MACROD1: variants seen among roughly 807,000 people sequenced by gnomAD.
MACROD1 encodes ADP-ribose glycohydrolase MACROD1.
MACROD1 carries 31 observed loss-of-function variants against 41.4 expected under a neutral mutation model. That is an observed-to-expected ratio of 0.75 (90% CI 0.56 to 1.01). The LOEUF is 1.01. Ranked by LOEUF, MACROD1 falls within the 50% of genes least tolerant of loss-of-function variation. The pLI, the probability that MACROD1 is intolerant of heterozygous loss-of-function variation, is 0.00. For synonymous variants in MACROD1, 252 were observed against 203.4 expected (o/e 1.24, Z -2.03); for missense variants, 473 against 460.0 (o/e 1.03, Z -0.26).
At position 64,165,604 on chromosome 11, in the gene MACROD1, T is replaced by A. The variant is rs1471121576; in HGVS notation, c.298+93A>T. ...CCTCAACTTCCCCAGGTCTCTCGGG[T>A]GGAAGGGGCTGCTCGCTCGTTGGGG... On this transcript the variant is annotated intron_variant, in intron 1 of 10. Coordinates refer to ENST00000255681, the MANE Select transcript of MACROD1 (RefSeq NM_014067.4). 2.3e-5 allele frequency: 27 copies of A among 1,161,708 alleles called. No individual in the cohort carries two copies. The East Asian group carries it at 8.3e-4, about 36-fold the overall frequency. 72.0% of individuals were successfully genotyped at this position (1,161,708 alleles called of 1,614,324 possible).
chr11:64,136,231 C>T (rs1354583525), intron 3 of MACROD1, among the ~76,000 whole-genome samples: 1 of 152,252 alleles, frequency 6.6e-6, no homozygotes, highest in Non-Finnish European at 1.5e-5. Flanking sequence ...CTAGAGTGGT[C>T]ACCATGTGCC....
chr11:64,093,792 T>TG (rs1944530943), intron 3 of MACROD1, among the ~76,000 whole-genome samples: 1 of 152,218 alleles, frequency 6.6e-6, no homozygotes, highest in Non-Finnish European at 1.5e-5. Context: ...TAGTCTGGCC[T>TG]GGCCAGGGTG....
chr11:64,033,492 T>A (rs1001310994), intron 3 of MACROD1, among the ~76,000 whole-genome samples: 2 of 152,150 alleles, frequency 1.3e-5, no homozygotes, highest in Non-Finnish European at 2.9e-5. Context: ...GCTCAAGTGA[T>A]CCTCTCGCCT....
intron 3 of MACROD1, among the ~76,000 whole-genome samples, chr11:64,105,306 C>G (rs1277080075): frequency 6.6e-6 from 1 of 152,192 alleles, no homozygotes; most frequent in African/African-American, 2.4e-5. Context: ...AGGCTGAAGC[C>G]AAGCTAGAGG....
chr11:64,160,655 T>A (rs1945739601), intron 1 of MACROD1, among the ~76,000 whole-genome samples: 1 of 151,662 alleles, frequency 6.6e-6, no homozygotes, highest in Admixed American at 6.6e-5. Context: ...CTGCAAGACA[T>A]TTTTAAAAAC....
chr11:64,028,420 C>G (rs192703500), intron 3 of MACROD1, among the ~76,000 whole-genome samples: 67 of 152,336 alleles, frequency 4.4e-4, no homozygotes, highest in African/African-American at 1.6e-3. Flanking sequence ...GGGCTCCACG[C>G]TGCAGAGGGA....
intron 3 of MACROD1, among the ~76,000 whole-genome samples, chr11:64,141,629 AAC>A (rs1945415344): frequency 6.6e-6 from 1 of 152,166 alleles, no homozygotes; most frequent in Non-Finnish European, 1.5e-5. Context: ...TTAATTTCAA[AAC>A]ACACACATTC....
intron 3 of MACROD1, among the ~76,000 whole-genome samples, chr11:64,098,010 T>C (rs1944608048): frequency 6.6e-6 from 1 of 152,092 alleles, no homozygotes; most frequent in Admixed American, 6.5e-5. Context: ...AGTTGGCCCC[T>C]TCCCTTCAAC....
intron 3 of MACROD1, among the ~76,000 whole-genome samples, chr11:64,047,029 C>T (rs1440890164): frequency 1.3e-5 from 2 of 152,208 alleles, no homozygotes; most frequent in South Asian, 2.1e-4. Flanking sequence ...GATGCACCAG[C>T]CTCGCCCCAG....
chr11:64,128,782 C>T (rs756509303), intron 3 of MACROD1, among the ~76,000 whole-genome samples: 34 of 147,650 alleles, frequency 2.3e-4, no homozygotes, highest in Non-Finnish European at 3.5e-4. Context: ...CCCCTTCCCA[C>T]GCCTCGCTTG....
intron 3 of MACROD1, among the ~76,000 whole-genome samples, chr11:64,106,886 T>C (rs1426499649): frequency 6.6e-6 from 1 of 152,060 alleles, no homozygotes; most frequent in Non-Finnish European, 1.5e-5. Flanking sequence ...ATTTATTTTA[T>C]TTTATTTTTT....
intron 3 of MACROD1, among the ~76,000 whole-genome samples, chr11:64,086,105 T>C (rs1430222775): frequency 6.6e-6 from 1 of 152,108 alleles, no homozygotes; most frequent in Non-Finnish European, 1.5e-5. Flanking sequence ...GGCCAGGCCA[T>C]GAGCACTCAG....
chr11:64,068,682 T>G (rs1032290809), intron 3 of MACROD1, among the ~76,000 whole-genome samples: 1 of 152,242 alleles, frequency 6.6e-6, no homozygotes, highest in African/African-American at 2.4e-5. Flanking sequence ...CCAAGGGTCC[T>G]GATCTCACGT....
intron 3 of MACROD1, among the ~76,000 whole-genome samples, chr11:64,051,676 C>T (rs1165923502): frequency 2.0e-5 from 3 of 152,160 alleles, no homozygotes; most frequent in East Asian, 1.9e-4. Context: ...GCTCACGGCC[C>T]GGAGCTTATA....
At chr11:64,031,175 C>A (rs1352546966) in intron 3 of MACROD1, among the ~76,000 whole-genome samples, 1 of 152,096 alleles carries the variant, frequency 6.6e-6, no homozygotes, top group Non-Finnish European at 1.5e-5. Flanking sequence ...TGCCTTGGGC[C>A]CCTCCCTGCT....
chr11:64,063,719 C>T (rs537583613), intron 3 of MACROD1, among the ~76,000 whole-genome samples: 1 of 152,286 alleles, frequency 6.6e-6, no homozygotes, highest in East Asian at 1.9e-4. Context: ...GTGCTGAAAC[C>T]TACTCCCCCC....
At chr11:64,070,112 ATT>A (rs1337598861) in intron 3 of MACROD1, among the ~76,000 whole-genome samples, 1 of 152,132 alleles carries the variant, frequency 6.6e-6, no homozygotes, top group East Asian at 1.9e-4. Context: ...TGTTATCACT[ATT>A]ATACCCCTTA....
At chr11:64,021,094 C>T (rs549383282) in intron 3 of MACROD1, among the ~76,000 whole-genome samples, 14 of 152,182 alleles carry the variant, frequency 9.2e-5, no homozygotes, top group Admixed American at 2.0e-4. Context: ...CTCAGCACAG[C>T]GCCTGGCTCA....
At chr11:64,089,971 T>A (rs1944461441) in intron 3 of MACROD1, among the ~76,000 whole-genome samples, 1 of 152,186 alleles carries the variant, frequency 6.6e-6, no homozygotes, top group South Asian at 2.1e-4. Flanking sequence ...TTGGATAAGA[T>A]GGCGTCTTCA....
Sources: allele counts gnomAD v4.1 joint callset (sites outside exome capture counted in the v4.1 genomes callset), GRCh38; gene constraint gnomAD v4.1.1; transcripts MANE v1.5; gene names NCBI Gene and HGNC (gene_info 2026-07-23, HGNC 2026-07-21).